Variants in RBFOX1 observed in about 807,000 individuals in gnomAD.
The protein encoded by RBFOX1 is RNA binding protein fox-1 homolog 1.
RBFOX1 carries 8 observed loss-of-function variants against 57.7 expected under a neutral mutation model. The observed-to-expected ratio is 0.14, with a 90% CI of 0.08 to 0.25. The LOEUF (loss-of-function observed/expected upper bound fraction) is 0.25, where lower values mean the gene tolerates loss of function less well. RBFOX1 is among the 10% of genes least tolerant of loss of function. The probability of loss-of-function intolerance (pLI) is 1.00; values close to 1 mark genes in which losing one functional copy is unlikely to be tolerated. For missense variants in RBFOX1, 611 were observed against 548.5 expected, an observed-to-expected ratio of 1.11 and a Z score of -1.14; for synonymous variants, 326 against 222.4, an observed-to-expected ratio of 1.47 and a Z score of -4.15.
intron 4 of RBFOX1, among the ~76,000 whole-genome samples, chr16:7,103,520 A>T (rs1321376222): frequency 1.3e-5 from 2 of 152,174 alleles, no homozygotes; most frequent in East Asian, 3.9e-4. Context: ...GTATGTTAAG[A>T]GATGATCAGT....
intron 11 of RBFOX1, among the ~76,000 whole-genome samples, chr16:7,647,920 C>G (rs956818991): frequency 6.6e-6 from 1 of 152,180 alleles, no homozygotes; most frequent in Non-Finnish European, 1.5e-5. Flanking sequence ...GTAAGAGGTT[C>G]TCTTTCTATG....
intron 1 of RBFOX1, among the ~76,000 whole-genome samples, chr16:5,436,567 A>T (rs1423815972): frequency 6.6e-6 from 1 of 152,216 alleles, no homozygotes; most frequent in East Asian, 1.9e-4. Flanking sequence ...CTGGCCAGGC[A>T]TGGTGGTTCA....
rs191218732 is a variant in RBFOX1 at position 7,691,546 on chromosome 16, C to T, written c.995+14708C>T. On this transcript the variant is annotated intron_variant, in intron 14 of 15. Coordinates refer to ENST00000550418, the MANE Select transcript of RBFOX1 (RefSeq NM_018723.4). ...AGTGCAGACTCAAAAAGAATACTTT[C>T]AAGGACACCATCATACTATAAAATT... Among the ~76,000 whole-genome samples the T allele has an allele frequency of 2.5e-4, 38 of 152,164 alleles. 1 individual carries two copies. The highest frequency in any genetic ancestry group is 5.9e-5 in the Non-Finnish European group (4 of 67,998).
chr16:6,494,554 T>C lies in RBFOX1; in HGVS notation c.-63-160049T>C, dbSNP rs372176906. Among the ~76,000 whole-genome samples, 116 of 152,346 alleles carry C rather than the reference T, an allele frequency of 7.6e-4. 6 individuals carry two copies. In the South Asian group the frequency reaches 0.023, roughly 30 times the overall value. On this transcript the variant is annotated intron_variant, in intron 2 of 15. Coordinates refer to ENST00000550418, the MANE Select transcript of RBFOX1 (RefSeq NM_018723.4). Reference sequence around the variant, plus strand: ...GTTACATCAGTAATTTTGCATGGTATATATATGTACCACAGCTTAACCATT... The same window carrying C: ...GTTACATCAGTAATTTTGCATGGTACATATATGTACCACAGCTTAACCATT...
In RBFOX1 at chr16:5,270,538, A is replaced by T; in HGVS notation, c.219+30433A>T. 12 of 613,464 alleles carry T rather than the reference A, an allele frequency of 2.0e-5. 1 individual carries two copies. Among genetic ancestry groups the T allele is most frequent in the South Asian group, 1.7e-4 (11 of 63,440 alleles). The allele number at this position is 613,464 out of a possible 1,614,324, so 38.0% of individuals were successfully genotyped here. On this transcript the variant is annotated intron_variant, in intron 1 of 2. Transcript: ENST00000585867. Reference sequence around the variant, plus strand: ...TTGAAAAATGTTCAACAATGATTGAAACTCATGTTGATGTGAAGACTACCG... The same window carrying T: ...TTGAAAAATGTTCAACAATGATTGATACTCATGTTGATGTGAAGACTACCG...
At chr16:7,275,837 G>A (rs963130780) in intron 4 of RBFOX1, among the ~76,000 whole-genome samples, 13 of 152,214 alleles carry the variant, frequency 8.5e-5, no homozygotes, top group Non-Finnish European at 1.8e-4. Context: ...AGATGAGGCT[G>A]TAGATAATGT....
intron 3 of RBFOX1, among the ~76,000 whole-genome samples, chr16:6,974,164 T>A (rs2086234289): frequency 6.6e-6 from 1 of 152,100 alleles, no homozygotes; most frequent in African/African-American, 2.4e-5. Context: ...CATTTTTTTA[T>A]TAATCCAGTC....
chr16:6,101,918 A>C (rs1389308071), intron 1 of RBFOX1, among the ~76,000 whole-genome samples: 2 of 151,920 alleles, frequency 1.3e-5, no homozygotes, highest in African/African-American at 4.8e-5. Flanking sequence ...TGGCCAGTCC[A>C]CGAATAGTGC....
intron 4 of RBFOX1, among the ~76,000 whole-genome samples, chr16:5,991,608 C>G (rs996402831): frequency 2.7e-5 from 4 of 150,620 alleles, no homozygotes; most frequent in Admixed American, 2.6e-4. Flanking sequence ...AACTCCTCAT[C>G]GAAAAGATGC....
intron 3 of RBFOX1, among the ~76,000 whole-genome samples, chr16:6,729,364 C>G: frequency 6.6e-6 from 1 of 152,146 alleles, no homozygotes; most frequent in East Asian, 1.9e-4. Flanking sequence ...TTCAGTCATT[C>G]ACTCACTCAT....
At chr16:6,688,567 A>C (rs1272754851) in intron 3 of RBFOX1, among the ~76,000 whole-genome samples, 1 of 152,222 alleles carries the variant, frequency 6.6e-6, no homozygotes, top group Non-Finnish European at 1.5e-5. Flanking sequence ...AATAGGAGTC[A>C]AACTGAAGAC....
intron 1 of RBFOX1, among the ~76,000 whole-genome samples, chr16:5,368,903 G>A (rs567683033): frequency 6.6e-6 from 1 of 152,260 alleles, no homozygotes; most frequent in Non-Finnish European, 1.5e-5. Flanking sequence ...TATGAGTTAG[G>A]TTTTCTGTGG....
intron 4 of RBFOX1, among the ~76,000 whole-genome samples, chr16:7,185,427 C>T (rs1217733191): frequency 1.3e-5 from 2 of 152,120 alleles, no homozygotes; most frequent in Admixed American, 1.3e-4. Context: ...CATTGGACGC[C>T]ATGGTTTTGT....
intron 1 of RBFOX1, among the ~76,000 whole-genome samples, chr16:5,354,261 T>A (rs2151322498): frequency 6.6e-6 from 1 of 152,316 alleles, no homozygotes; most frequent in East Asian, 1.9e-4. Context: ...CTGTGTCTCT[T>A]TTTCTTGAAG....
intron 3 of RBFOX1, among the ~76,000 whole-genome samples, chr16:6,801,065 G>A (rs956570772): frequency 2.6e-5 from 4 of 152,088 alleles, no homozygotes; most frequent in African/African-American, 4.8e-5. Context: ...AAAATCAGAC[G>A]GAGGACTTGT....
chr16:5,522,863 A>G (rs1171397207), intron 2 of RBFOX1, among the ~76,000 whole-genome samples: 1 of 152,204 alleles, frequency 6.6e-6, no homozygotes, highest in Admixed American at 6.5e-5. Flanking sequence ...TGCTAAAATG[A>G]CAGGATTCCA....
At chr16:6,878,324 C>A (rs1391887656) in intron 3 of RBFOX1, among the ~76,000 whole-genome samples, 1 of 152,128 alleles carries the variant, frequency 6.6e-6, no homozygotes, top group Non-Finnish European at 1.5e-5. Context: ...GTGACAGGTG[C>A]TGGAACATTT....
At chr16:5,982,715 C>G (rs145820091) in intron 4 of RBFOX1, among the ~76,000 whole-genome samples, 26 of 152,288 alleles carry the variant, frequency 1.7e-4, no homozygotes, top group Middle Eastern at 3.4e-3. Flanking sequence ...ATAAGCAGCC[C>G]CCTTGTCATC....
In RBFOX1 at chr16:7,126,035, A is replaced by G. The variant is rs139756381; in HGVS notation, c.27+73937A>G. On this transcript the variant is annotated intron_variant, in intron 4 of 15. Transcript: ENST00000550418. ...GAGGCGGAGGTTGCAGTGAGCTGAG[A>G]TCGCACCATTGCACTGCAGCATGGG... Among the ~76,000 whole-genome samples, 27 of 152,254 alleles carry G rather than the reference A, an allele frequency of 1.8e-4. No homozygotes were observed. In the East Asian group the frequency reaches 4.1e-3, roughly 23 times the overall value.
Sources: allele counts gnomAD v4.1 joint callset (sites outside exome capture counted in the v4.1 genomes callset), GRCh38; gene constraint gnomAD v4.1.1; transcripts MANE v1.5; gene names NCBI Gene and HGNC (gene_info 2026-07-23, HGNC 2026-07-21).